MEX3C: variants seen among roughly 807,000 people sequenced by gnomAD.
The protein encoded by MEX3C is mex-3 RNA binding family member C.
MEX3C carries 15 observed loss-of-function variants against 35.5 expected under a neutral mutation model. The observed-to-expected ratio is 0.42, with a 90% CI of 0.28 to 0.65. The LOEUF is 0.65. Ranked by LOEUF, MEX3C falls within the 30% of genes least tolerant of loss-of-function variation. The pLI, the probability that MEX3C is intolerant of heterozygous loss-of-function variation, is 0.20. For missense variants in MEX3C, 711 were observed against 842.8 expected, an observed-to-expected ratio of 0.84 and a Z score of 1.94; for synonymous variants, 390 against 352.8, an observed-to-expected ratio of 1.11 and a Z score of -1.18.
In MEX3C at chr18:51,197,292, GC is replaced by G; in HGVS notation, c.28del (p.Ala10ProfsTer39). The stretch of plus-strand genomic sequence containing the variant: ...CAGGGGGGCCGGGGCCGCCGCCAGG[GC>G]CAGGGCCGCGGAGCTGCCGCTGGGC... MPSGSSAAL[A>X]LAAAPAPLPQ... On this transcript the variant is annotated frameshift_variant, in exon 1 of 2. Transcript: ENST00000406189. LOFTEE classifies it high-confidence loss of function. The G allele has an allele frequency of 1.4e-6, 1 of 704,236 alleles. No individual in the cohort carries two copies. The highest frequency in any genetic ancestry group is 1.7e-6 in the Non-Finnish European group (1 of 575,614). 43.6% of individuals were successfully genotyped at this position (704,236 alleles called of 1,614,324 possible). A position where few individuals can be genotyped will look rare whatever the true frequency, so the allele number is the denominator to read the frequency against.
At position 51,176,368 on chromosome 18, in the gene MEX3C, T is replaced by C; in HGVS notation, c.1963A>G (p.Ile655Val). ...PVCQTAVTQAIQIHS is the reference protein window; with the variant it reads ...PVCQTAVTQAVQIHS ...ATATATAGTTAAGAGTGAATTTGGA[T>C]TGCCTGAGTAACAGCTGTCTGGCAA... is the stretch of plus-strand genomic sequence containing the variant. Residue 655 changes from isoleucine to valine, a missense_variant, in exon 2 of 2, where the codon ATC becomes GTC. Coordinates refer to ENST00000406189, the MANE Select transcript of MEX3C (RefSeq NM_016626.5). 1.9e-6 allele frequency: 3 copies of C among 1,613,364 alleles called. No homozygotes were observed. The highest frequency in any genetic ancestry group is 2.2e-5 in the East Asian group (1 of 44,876).
At chr18:51,196,462 G>C in intron 1 of MEX3C, 105 bp downstream of exon 1, 1 of 1,475,074 alleles carries the variant, frequency 6.8e-7, no homozygotes, top group Non-Finnish European at 8.9e-7. Context: ...CGGTGGACTT[G>C]GGGGCCTCGC....
chr18:51,193,826 CAG>C (rs1568235405), intron 1 of MEX3C: 1 of 152,196 alleles, frequency 6.6e-6, no homozygotes, highest in Admixed American at 6.5e-5. Flanking sequence ...CACTGGAACT[CAG>C]AGGCCATCTA....
Position 51,192,195 on chromosome 18 carries a change from G to A in MEX3C, c.754+4372C>T, listed in dbSNP as rs79663827. 5.3e-3 allele frequency among the ~76,000 whole-genome samples: 812 copies of A among 152,010 alleles called. 40 individuals carry two copies. The East Asian group carries it at 0.12, about 22-fold the overall frequency. On this transcript the variant is annotated intron_variant, in intron 1 of 1. Coordinates refer to ENST00000406189, the MANE Select transcript of MEX3C (RefSeq NM_016626.5). ...CATTTTCAGGTTGTTGGTAACCAAGGGGTACAAAATACACCCTTGAATTAC... is the reference window on the plus strand; with the variant it reads ...CATTTTCAGGTTGTTGGTAACCAAGAGGTACAAAATACACCCTTGAATTAC...
At chr18:51,180,047 C>T (rs1164130075) in intron 1 of MEX3C, among the ~76,000 whole-genome samples, 1 of 151,810 alleles carries the variant, frequency 6.6e-6, no homozygotes, top group Non-Finnish European at 1.5e-5. Flanking sequence ...AGGGTTGGTC[C>T]CTTTCATCCC....
chr18:51,194,881 A>G (rs564932416), intron 1 of MEX3C: 1 of 152,218 alleles, frequency 6.6e-6, no homozygotes, highest in South Asian at 2.1e-4. Context: ...ACCCCTCCTC[A>G]CATTGTTCCT....
Position 51,196,823 on chromosome 18 carries a change from C to A in MEX3C, c.498G>T (p.Leu166=). 6.5e-7 allele frequency: 1 copy of A among 1,533,982 alleles called. No homozygotes were observed. The highest frequency in any genetic ancestry group is 8.7e-7 in the Non-Finnish European group (1 of 1,144,682). Residue 166 remains leucine (L), a synonymous_variant, in exon 1 of 2, where the codon CTG becomes CTT. Transcript: ENST00000406189. The part of the protein sequence containing the change: ...QIPGGSLGSV[L]LPAARFDARE... ...GGGCATCGAACCTGGCGGCTGGCAG[C>A]AGCACAGACCCCAGGGACCCGCCCG...
chr18:51,184,597 C>G (rs1039774782), intron 1 of MEX3C, among the ~76,000 whole-genome samples: 6 of 152,146 alleles, frequency 3.9e-5, no homozygotes, highest in African/African-American at 1.4e-4. Context: ...TGCCTCAAGC[C>G]TGTAATCTCA....
chr18:51,184,055 T>C (rs916530607), intron 1 of MEX3C, among the ~76,000 whole-genome samples: 1 of 152,074 alleles, frequency 6.6e-6, no homozygotes, highest in Non-Finnish European at 1.5e-5. Flanking sequence ...CAGAGAGATG[T>C]GCTCTGGCTA....
chr18:51,184,575 G>A (rs1372605795), intron 1 of MEX3C, among the ~76,000 whole-genome samples: 2 of 152,164 alleles, frequency 1.3e-5, no homozygotes, highest in East Asian at 3.8e-4. Flanking sequence ...AGTAGCTTTT[G>A]GCTGTGTGTG....
rs774989799 is a variant in MEX3C, at chr18:51,176,658, C to T, written c.1673G>A (p.Arg558Gln). Residue 558 changes from arginine (R) to glutamine (Q), a missense_variant, in exon 2 of 2, where the codon CGG becomes CAG. By Grantham distance (43) the Arg-to-Gln change is conservative (BLOSUM62 1). Transcript: ENST00000406189. ...ACTAGGTGGGTCGCTCCTAACCCTCCGAGCAAGTGGATGTTCTATGCTCTC... is the reference window on the plus strand; with the variant it reads ...ACTAGGTGGGTCGCTCCTAACCCTCTGAGCAAGTGGATGTTCTATGCTCTC... ...FPESIEHPLARRVRSDPPSTG... is the reference protein window; with the variant it reads ...FPESIEHPLAQRVRSDPPSTG... The T allele has an allele frequency of 5.5e-5, 89 of 1,613,842 alleles. No homozygotes were observed. The highest frequency in any genetic ancestry group is 7.0e-5 in the Non-Finnish European group (83 of 1,179,880).
chr18:51,196,361 TA>T, intron 1 of MEX3C: 1 of 1,210,430 alleles, frequency 8.3e-7, no homozygotes, highest in Non-Finnish European at 1.1e-6. Flanking sequence ...TCACACTTTT[TA>T]CCAGGCAAGA....
rs1912861680 is a variant in MEX3C, at chr18:51,197,679, A to C, written c.-359T>G. Among the ~76,000 whole-genome samples the C allele has an allele frequency of 1.3e-5, 2 of 151,780 alleles. No homozygotes were observed. Among genetic ancestry groups the C allele is most frequent in the Non-Finnish European group, 2.9e-5 (2 of 67,898 alleles). On this transcript the variant is annotated 5_prime_UTR_variant, in exon 1 of 2. The change creates a new upstream start codon in the 5' untranslated region. Coordinates refer to ENST00000406189, the MANE Select transcript of MEX3C (RefSeq NM_016626.5). The stretch of plus-strand genomic sequence containing the variant: ...CGGCTACGCCCCACGCCGCTCTCCG[A>C]ATGAAGCCGGCGCGCTCTGATTGGG...
rs987054141 is a variant in MEX3C at position 51,196,996 on chromosome 18, C to T, written c.325G>A (p.Glu109Lys). ...GAPEAAELEL[E>K]EDEEEGEEAE... ...TCCTCCCCCTCCTCCTCGTCCTCTT[C>T]CAGCTCCAGCTCGGCCGCCTCCGGG... Residue 109 changes from glutamate to lysine, a missense_variant, in exon 1 of 2, where the codon GAA becomes AAA. Transcript: ENST00000406189. 1 of 1,531,372 alleles carries T rather than the reference C, an allele frequency of 6.5e-7. No individual in the cohort carries two copies. Among genetic ancestry groups the T allele is most frequent in the Non-Finnish European group, 8.8e-7 (1 of 1,142,192 alleles). 94.9% of individuals were successfully genotyped at this position (1,531,372 alleles called of 1,614,324 possible).
intron 1 of MEX3C, among the ~76,000 whole-genome samples, chr18:51,192,407 G>GT (rs1161135482): frequency 6.6e-6 from 1 of 152,046 alleles, no homozygotes; most frequent in African/African-American, 2.4e-5. Context: ...TAGAAAAATT[G>GT]TAATATTTAA....
rs1333742546 is a variant in MEX3C at position 51,196,453 on chromosome 18, G to T, written c.754+114C>A. On this transcript the variant is annotated intron_variant, in intron 1 of 1. Coordinates refer to ENST00000406189, the MANE Select transcript of MEX3C (RefSeq NM_016626.5). ...CTCGGCTCCTCCCAGACCCCTTCGC[G>T]GTGGACTTGGGGGCCTCGCCGGGTT... 13 of 1,463,994 alleles carry T rather than the reference G, an allele frequency of 8.9e-6. No individual in the cohort carries two copies. The Admixed American group carries it at 2.9e-4, about 33-fold the overall frequency. The allele number at this position is 1,463,994 out of a possible 1,614,324, so 90.7% of individuals were successfully genotyped here.
At chr18:51,184,980 A>T (rs1316221788) in intron 1 of MEX3C, among the ~76,000 whole-genome samples, 2 of 152,232 alleles carry the variant, frequency 1.3e-5, no homozygotes, top group Non-Finnish European at 2.9e-5. Context: ...CTGTCCTTTA[A>T]TTCCCTATTA....
intron 1 of MEX3C, among the ~76,000 whole-genome samples, chr18:51,185,891 C>CG (rs199616598): frequency 1.1e-3 from 161 of 151,830 alleles, no homozygotes; most frequent in Middle Eastern, 6.8e-3. Flanking sequence ...GAGACCCCCC[C>CG]CTCTCTATAA....
In MEX3C at chr18:51,176,949, C is replaced by T; in HGVS notation, c.1382G>A (p.Ser461Asn). Residue 461 changes from serine (S) to asparagine (N), a missense_variant, in exon 2 of 2, where the codon AGC (serine) becomes AAC (asparagine). Ser to Asn is a conservative substitution (Grantham distance 46). This residue lies in a region of MEX3C where 187 missense variants were observed against 201.7 expected (regional missense o/e 0.93). Transcript: ENST00000406189. ...TGGACTAAAGTCAGCCAGCCTATTG[C>T]TTCCAAAGTAGGAATCTGTAGAGCC... ...GSGSTDSYFG[S>N]NRLADFSPTS... 1 of 1,614,028 alleles carries T rather than the reference C, an allele frequency of 6.2e-7. No homozygotes were observed. The highest frequency in any genetic ancestry group is 1.3e-5 in the African/African-American group (1 of 75,062).
Sources: allele counts gnomAD v4.1 joint callset (sites outside exome capture counted in the v4.1 genomes callset), GRCh38; gene constraint gnomAD v4.1.1; regional missense constraint gnomAD v4.1.1; transcripts MANE v1.5; gene names NCBI Gene and HGNC (gene_info 2026-07-23, HGNC 2026-07-21).